DLG5: variants seen among roughly 807,000 people sequenced by gnomAD.
DLG5 encodes discs large MAGUK scaffold protein 5.
DLG5 carries 48 observed loss-of-function variants against 189.8 expected under a neutral mutation model. That is an observed-to-expected ratio of 0.25 (90% CI 0.20 to 0.32). The LOEUF is 0.32. Among genes scored for constraint, DLG5 ranks in the 10% least tolerant of loss-of-function variants. DLG5 has a pLI of 1.00. For synonymous variants in DLG5, 1,016 were observed against 1,054.1 expected (o/e 0.96, Z 0.70); for missense variants, 2,160 against 2,544.7 (o/e 0.85, Z 3.25).
Position 77,926,754 on chromosome 10 carries a change from T to G in DLG5, c.-234A>C, listed in dbSNP as rs1397149606. The G allele has an allele frequency of 6.4e-6, 1 of 155,182 alleles. No homozygotes were observed. The highest frequency in any genetic ancestry group is 2.5e-5 in the African/African-American group (1 of 40,564). 9.6% of individuals were successfully genotyped at this position (155,182 alleles called of 1,614,324 possible). A position where few individuals can be genotyped will look rare whatever the true frequency, so the allele number is the denominator to read the frequency against. ...ATGTTGGCTGCCGCGGCGGCGGGAC[T>G]GGAAGAGGAGGAGGAGGAGACGGAG... On this transcript the variant is annotated 5_prime_UTR_variant, in exon 1 of 32. Coordinates refer to ENST00000372391, the MANE Select transcript of DLG5 (RefSeq NM_004747.4). The surrounding 1 kb of genome is among the most constrained non-coding windows in gnomAD (Gnocchi z 5.2).
intron 24 of DLG5, 120 bp from the exon 25 acceptor site, chr10:77,808,064 T>C (rs1841569066): frequency 5.9e-6 from 7 of 1,186,790 alleles, no homozygotes; most frequent in Non-Finnish European, 8.2e-6. Flanking sequence ...ACTGAGACTC[T>C]GGCTACCTCC....
At chr10:77,825,163 A>ATACTAT (rs1314220873) in intron 13 of DLG5, among the ~76,000 whole-genome samples, 1 of 152,174 alleles carries the variant, frequency 6.6e-6, no homozygotes, top group African/African-American at 2.4e-5. Context: ...CAAAGGTCAC[A>ATACTAT]TACTATATGA....
At chr10:77,848,577 G>A (rs1843805208) in intron 5 of DLG5, among the ~76,000 whole-genome samples, 1 of 150,946 alleles carries the variant, frequency 6.6e-6, no homozygotes, top group Admixed American at 6.6e-5. Flanking sequence ...TTGTAACATG[G>A]GAAGATGTTG....
intron 1 of DLG5, among the ~76,000 whole-genome samples, chr10:77,915,515 A>G (rs1846334128): frequency 6.6e-6 from 1 of 152,202 alleles, no homozygotes; most frequent in South Asian, 2.1e-4. Flanking sequence ...CTGTGGTTAA[A>G]TCAGTTTGGG....
At chr10:77,792,651 G>T in intron 31 of DLG5, 108 bp from the exon 32 acceptor site, 1 of 1,009,042 alleles carries the variant, frequency 9.9e-7, no homozygotes, top group Non-Finnish European at 1.5e-6. Context: ...TCTGCTTTGT[G>T]CTCCTTGGCA....
At chr10:77,793,543 G>A (rs1004471395) in intron 31 of DLG5, 1 of 147,496 alleles carries the variant, frequency 6.8e-6, no homozygotes, top group Non-Finnish European at 1.5e-5. Context: ...GTTTTTTTTT[G>A]TTTTGTTTTT....
intron 16 of DLG5, 140 bp from the exon 17 acceptor site, chr10:77,819,605 T>G: frequency 8.2e-7 from 1 of 1,220,568 alleles, no homozygotes; most frequent in Non-Finnish European, 1.1e-6. Flanking sequence ...AACCACCAAT[T>G]CACAATGTGG....
chr10:77,844,062 T>C (rs1843563903), intron 5 of DLG5, among the ~76,000 whole-genome samples: 1 of 152,188 alleles, frequency 6.6e-6, no homozygotes, highest in Non-Finnish European at 1.5e-5. Context: ...TGTAAAACTT[T>C]TCTTCTGGTG....
At position 77,894,125 on chromosome 10, in the gene DLG5, T is replaced by C. The variant is rs577676567; in HGVS notation, c.305-24928A>G. Among the ~76,000 whole-genome samples the C allele has an allele frequency of 3.3e-5, 5 of 152,326 alleles. No individual in the cohort carries two copies. In the South Asian group the frequency reaches 1.0e-3, roughly 32 times the overall value. ...CTCAGAATCTGAACCCTAGCCTGTG[T>C]GTGTGAGAGGCTGCACGTGCACATA... On this transcript the variant is annotated intron_variant, in intron 1 of 31. Transcript: ENST00000372391.
chr10:77,939,833 G>A, the DLG5 span, among the ~76,000 whole-genome samples: 1 of 152,226 alleles, frequency 6.6e-6, no homozygotes, highest in Admixed American at 6.5e-5. Flanking sequence ...CACATGAGGT[G>A]TTGCAGCAGC....
intron 1 of DLG5, among the ~76,000 whole-genome samples, chr10:77,909,993 G>A (rs924243246): frequency 6.6e-6 from 1 of 152,112 alleles, no homozygotes; most frequent in Non-Finnish European, 1.5e-5. Flanking sequence ...ACGGCAGCCA[G>A]CACCCAGAGT....
rs1840667738 is a variant in DLG5 at position 77,792,104 on chromosome 10, A to G, written c.*336T>C. ...TTCAAGTAAACATAAACCACCAAATACTTAGAAAAGGCTTGTAAACGAGTG... is the reference window on the plus strand; with the variant it reads ...TTCAAGTAAACATAAACCACCAAATGCTTAGAAAAGGCTTGTAAACGAGTG... On this transcript the variant is annotated 3_prime_UTR_variant, in exon 32 of 32. Transcript: ENST00000372391. 3.3e-6 allele frequency: 1 copy of G among 302,402 alleles called. No homozygotes were observed. The highest frequency in any genetic ancestry group is 4.6e-5 in the Admixed American group (1 of 21,550). The allele number at this position is 302,402 out of a possible 1,614,324, so 18.7% of individuals were successfully genotyped here. A position where few individuals can be genotyped will look rare whatever the true frequency, so the allele number is the denominator to read the frequency against.
the DLG5 span, among the ~76,000 whole-genome samples, chr10:77,938,750 C>G: frequency 1.3e-5 from 2 of 152,244 alleles, no homozygotes; most frequent in African/African-American, 4.8e-5. Flanking sequence ...TCATGAGCAG[C>G]TCCATCATAC....
chr10:77,875,948 C>G (rs190990119), intron 1 of DLG5, among the ~76,000 whole-genome samples: 2 of 152,054 alleles, frequency 1.3e-5, no homozygotes, highest in African/African-American at 4.8e-5. Context: ...GGACAAGGCC[C>G]AGTATTTCAG....
intron 27 of DLG5, among the ~76,000 whole-genome samples, chr10:77,804,292 T>G (rs1841365196): frequency 6.6e-6 from 1 of 152,236 alleles, no homozygotes; most frequent in Non-Finnish European, 1.5e-5. Flanking sequence ...AATAGACTTT[T>G]TTACATCTTA....
chr10:77,915,797 G>A (rs754814538), intron 1 of DLG5, among the ~76,000 whole-genome samples: 12 of 152,222 alleles, frequency 7.9e-5, no homozygotes, highest in Non-Finnish European at 1.5e-4. Flanking sequence ...ACGGGATAAG[G>A]AGGAAGTATC....
At chr10:77,817,313 A>G (rs918794987) in intron 18 of DLG5, among the ~76,000 whole-genome samples, 7 of 152,236 alleles carry the variant, frequency 4.6e-5, no homozygotes, top group African/African-American at 1.4e-4. Context: ...ACAGGAGCGC[A>G]CAAGTCTCAC....
chr10:77,850,352 T>C (rs1202821931), intron 5 of DLG5, among the ~76,000 whole-genome samples: 4 of 152,240 alleles, frequency 2.6e-5, no homozygotes, highest in Non-Finnish European at 5.9e-5. Context: ...TTGAAGTTCA[T>C]CCACACTATA....
At chr10:77,921,028 T>G (rs1304863586) in intron 1 of DLG5, among the ~76,000 whole-genome samples, 3 of 152,186 alleles carry the variant, frequency 2.0e-5, no homozygotes, top group Non-Finnish European at 4.4e-5. Flanking sequence ...ACTCTGCCAC[T>G]TCCTCTTAAA....
Sources: gnomAD v4.1 joint callset for allele counts (sites outside exome capture counted in the v4.1 genomes callset) on GRCh38, gnomAD v4.1.1 for gene constraint, Gnocchi (gnomAD v3.1) non-coding constraint, MANE v1.5 for transcripts, NCBI Gene and HGNC (gene_info 2026-07-23, HGNC 2026-07-21) for gene names.